Variants in CEACAM20 observed in about 807,000 individuals in gnomAD.
CEACAM20 encodes cell adhesion molecule CEACAM20.
In CEACAM20, 50 loss-of-function variants were observed where a neutral mutation model predicts 61.2. That is an observed-to-expected ratio of 0.82 (90% CI 0.65 to 1.03). The LOEUF (loss-of-function observed/expected upper bound fraction) is 1.03. CEACAM20 is among the 50% of genes least tolerant of loss of function. The pLI is 0.00. For missense variants in CEACAM20, 683 were observed against 736.4 expected (o/e 0.93, Z 0.84); for synonymous variants, 282 against 287.7 (o/e 0.98, Z 0.20).
chr19:44,524,371 G>A, intron 2 of CEACAM20, 110 bp from the exon 3 acceptor site: 5 of 1,216,072 alleles, frequency 4.1e-6, no homozygotes, highest in Non-Finnish European at 5.8e-6. Context: ...ATTGCCAGAA[G>A]ACTCTCTGGA....
chr19:44,512,125 T>C lies in CEACAM20; in HGVS notation c.1514-47A>G, dbSNP rs755408822. The C allele has an allele frequency of 2.7e-6, 4 of 1,463,262 alleles. No homozygotes were observed. The South Asian group carries it at 3.6e-5, about 13-fold the overall frequency. The allele number at this position is 1,463,262 out of a possible 1,614,324, so 90.6% of individuals were successfully genotyped here. On this transcript the variant is annotated intron_variant, in intron 8 of 11. Coordinates refer to ENST00000614924, the MANE Select transcript of CEACAM20 (RefSeq NM_001102597.3). ...CAGGAGCTGGAGTTCGAAAGAGATA[T>C]GGGGCAAGGGGCTGTTTTTCCAGGA...
At chr19:44,522,993 A>T in intron 3 of CEACAM20, 81 bp from the exon 4 acceptor site, 1 of 1,204,950 alleles carries the variant, frequency 8.3e-7, no homozygotes. Flanking sequence ...GGATCAATAA[A>T]TACTTTATTT....
chr19:44,525,166 C>T lies in CEACAM20; in HGVS notation c.131G>A (p.Ser44Asn), dbSNP rs372782771. 6.4e-5 allele frequency: 103 copies of T among 1,610,564 alleles called. No individual in the cohort carries two copies. The highest frequency in any genetic ancestry group is 8.4e-5 in the Admixed American group (5 of 59,628). The change falls in exon 2 of 12, where the codon AGT becomes AAT. Residue 44 changes from serine (S) to asparagine (N), a missense_variant. Physicochemically the swap from Ser to Asn is conservative, Grantham distance 46 (BLOSUM62 1). Transcript: ENST00000614924. ...AAACACAGGCAGAACAACATCCTCA[C>T]TTTGGGTGGCATCAAGTGGGTTGGC... ...LNANPLDATQ[S>N]EDVVLPVFGT... is the part of the protein sequence containing the mutation.
At chr19:44,508,861 G>A (rs1031010129) in intron 11 of CEACAM20, among the ~76,000 whole-genome samples, 7 of 152,110 alleles carry the variant, frequency 4.6e-5, no homozygotes, top group African/African-American at 1.7e-4. Flanking sequence ...TATTTTTTCT[G>A]ATTGTAATTT....
At chr19:44,517,463 C>T (rs528203958) in intron 5 of CEACAM20, among the ~76,000 whole-genome samples, 3 of 152,012 alleles carry the variant, frequency 2.0e-5, no homozygotes, top group East Asian at 1.9e-4. Flanking sequence ...TTTGGAAGGC[C>T]GAGGCAGGCA....
chr19:44,513,395 C>T, intron 6 of CEACAM20, 106 bp from the exon 7 acceptor site: 1 of 644,646 alleles, frequency 1.6e-6, no homozygotes, highest in East Asian at 3.1e-5. Context: ...TTTGTGAGCA[C>T]TTGTTTTCCA....
chr19:44,520,882 A>C, intron 4 of CEACAM20, 130 bp from the exon 5 acceptor site: 1 of 896,384 alleles, frequency 1.1e-6, no homozygotes, highest in Admixed American at 2.2e-5. Context: ...CAGGTGGTGT[A>C]TATGATTTGC....
At chr19:44,520,861 TG>T in intron 4 of CEACAM20, 109 bp from the exon 5 acceptor site, 5 of 1,060,764 alleles carry the variant, frequency 4.7e-6, no homozygotes, top group Non-Finnish European at 7.0e-6. Flanking sequence ...TGTGTGTGTG[TG>T]TGTGTGTTAC....
At chr19:44,515,218 A>AATGATGATGATGATG (rs59294881) in intron 6 of CEACAM20, among the ~76,000 whole-genome samples, 34 of 149,106 alleles carry the variant, frequency 2.3e-4, no homozygotes, top group African/African-American at 6.0e-4. Context: ...ATGCTTGACA[A>AATGATGATGATGATG]ATGATGATGA....
intron 11 of CEACAM20, among the ~76,000 whole-genome samples, chr19:44,508,177 A>C (rs533592694): frequency 1.3e-5 from 2 of 152,298 alleles, no homozygotes; most frequent in South Asian, 4.1e-4. Flanking sequence ...CTCTGGATAA[A>C]TTCTGACTGG....
chr19:44,527,162 A>C (rs1442913421), intron 1 of CEACAM20, among the ~76,000 whole-genome samples: 1 of 152,164 alleles, frequency 6.6e-6, no homozygotes, highest in Non-Finnish European at 1.5e-5. Context: ...TCCACTGAAA[A>C]ATGGAGATAA....
Position 44,512,931 on chromosome 19 carries a change from C to T in CEACAM20, c.1450G>A (p.Asp484Asn), listed in dbSNP as rs1180451356. The change falls in exon 8 of 12, where the codon GAC (aspartate) becomes AAC (asparagine). Residue 484 changes from aspartate (D) to asparagine (N), a missense_variant. By Grantham distance (23) the Asp-to-Asn change is conservative (BLOSUM62 1). Coordinates refer to ENST00000614924, the MANE Select transcript of CEACAM20 (RefSeq NM_001102597.3). Reference sequence around the variant, plus strand: ...GGTTGTGAGGTCTCATGACTGGGGTCCTCTGTTGTTTTCCTTGAGGGCCTG... The same window carrying T: ...GGTTGTGAGGTCTCATGACTGGGGTTCTCTGTTGTTTTCCTTGAGGGCCTG... ...ARRPSRKTTE[D>N]PSHETSQPIP... The T allele has an allele frequency of 6.2e-7, 1 of 1,613,330 alleles. No individual in the cohort carries two copies. Among genetic ancestry groups the T allele is most frequent in the African/African-American group, 1.3e-5 (1 of 74,920 alleles).
Position 44,511,022 on chromosome 19 carries a change from A to C in CEACAM20, c.1737+8T>G. The C allele has an allele frequency of 6.2e-7, 1 of 1,613,932 alleles. No homozygotes were observed. On this transcript the variant is annotated splice_region_variant and intron_variant, in intron 11 of 11. Coordinates refer to ENST00000614924, the MANE Select transcript of CEACAM20 (RefSeq NM_001102597.3). ...CCTGTCCAAAGACTCAGTGTGGCAT[A>C]AACATACCTCATAGATTGACTCCAT...
intron 5 of CEACAM20, among the ~76,000 whole-genome samples, chr19:44,519,906 G>A (rs1316518472): frequency 2.6e-5 from 4 of 152,144 alleles, no homozygotes; most frequent in African/African-American, 9.7e-5. Flanking sequence ...AGATATGGAA[G>A]GTCCCAACAG....
chr19:44,517,721 A>C (rs552226634), intron 5 of CEACAM20, among the ~76,000 whole-genome samples: 245 of 151,362 alleles, frequency 1.6e-3, no homozygotes, highest in African/African-American at 5.5e-3. Flanking sequence ...AAGAAAAAAA[A>C]CTGCCTTTGT....
Position 44,522,827 on chromosome 19 carries a change from G to A in CEACAM20, c.558C>T (p.Thr186=), listed in dbSNP as rs764016955. Residue 186 remains threonine (T), a synonymous_variant, in exon 4 of 12, where the codon ACC becomes ACT. Coordinates refer to ENST00000614924, the MANE Select transcript of CEACAM20 (RefSeq NM_001102597.3). The part of the protein sequence containing the change: ...VVEVMEGSSM[T]FLAETKSHPP... ...GGTGAGACTTTGTTTCCGCTAAGAA[G>A]GTCATGCTGGAGCCCTCCATCACCT... 8 of 1,612,672 alleles carry A rather than the reference G, an allele frequency of 5.0e-6. No homozygotes were observed. The highest frequency in any genetic ancestry group is 2.2e-5 in the East Asian group (1 of 44,860).
rs754490748 is a variant in CEACAM20 at position 44,524,098 on chromosome 19, G to C, written c.360C>G (p.Gly120=). 1 of 1,602,228 alleles carries C rather than the reference G, an allele frequency of 6.2e-7. No homozygotes were observed. The highest frequency in any genetic ancestry group is 8.5e-7 in the Non-Finnish European group (1 of 1,174,486). ...GGACAATGAGAATGGTGAGGATCTT[G>C]CCATCCTTGGACAGCTGCATGCGCT... ...FHERMQLSKD[G]KILTILIVQR... The change falls in exon 3 of 12, where the codon GGC becomes GGG. Residue 120 remains glycine, a synonymous_variant. Transcript: ENST00000614924.
Position 44,517,179 on chromosome 19 carries a change from A to G in CEACAM20, c.1076T>C (p.Met359Thr). The change falls in exon 6 of 12, where the codon ATG becomes ACG. Residue 359 changes from methionine to threonine, a missense_variant. By Grantham distance (81) the Met-to-Thr change is moderately conservative (BLOSUM62 -1). Transcript: ENST00000614924. ...VHITRESASE[M>T]ISTIEAELNS... ...GAGCTCTGCCTCTATGGTGCTGATC[A>G]TCTCAGATGCCGACTCCCTGGTGAT... The G allele has an allele frequency of 6.2e-7, 1 of 1,611,778 alleles. No homozygotes were observed. Among genetic ancestry groups the G allele is most frequent in the Non-Finnish European group, 8.5e-7 (1 of 1,179,820 alleles).
At chr19:44,521,734 T>C (rs1971371009) in intron 4 of CEACAM20, among the ~76,000 whole-genome samples, 1 of 152,132 alleles carries the variant, frequency 6.6e-6, no homozygotes, top group Non-Finnish European at 1.5e-5. Context: ...TATGTTTGTA[T>C]GTTTTGTGTG....
Sources: gnomAD v4.1 joint callset for allele counts (sites outside exome capture counted in the v4.1 genomes callset) on GRCh38, gnomAD v4.1.1 for gene constraint, MANE v1.5 for transcripts, NCBI Gene and HGNC (gene_info 2026-07-23, HGNC 2026-07-21) for gene names.